Variants in HPD observed in about 807,000 individuals in gnomAD.
HPD encodes the protein 4-hydroxyphenylpyruvate dioxygenase.
In HPD, 35 loss-of-function variants were observed where a neutral mutation model predicts 56.9. The ratio of observed to expected loss-of-function variants is 0.62; its 90% CI spans 0.47 to 0.82. The LOEUF (loss-of-function observed/expected upper bound fraction) is 0.82, where lower values mean the gene tolerates loss of function less well. Ranked by LOEUF, HPD falls within the 40% of genes least tolerant of loss-of-function variation. The pLI is 0.00. For synonymous variants in HPD, 186 were observed against 200.2 expected, an observed-to-expected ratio of 0.93 and a Z score of 0.60; for missense variants, 442 against 506.8, an observed-to-expected ratio of 0.87 and a Z score of 1.23.
intron 12 of HPD, among the ~76,000 whole-genome samples, chr12:121,842,084 A>G (rs930621383): frequency 6.6e-6 from 1 of 151,650 alleles, no homozygotes; most frequent in Non-Finnish European, 1.5e-5. Context: ...GGAAGGGAAC[A>G]GAGGGGGTTG....
chr12:121,857,041 T>G, intron 4 of HPD: 1 of 505,846 alleles, frequency 2.0e-6, no homozygotes, highest in Non-Finnish European at 3.6e-6. Context: ...GGGAGCTGAA[T>G]TATATGTTTT....
the HPD span, among the ~76,000 whole-genome samples, chr12:121,873,810 C>A: frequency 2.4e-4 from 20 of 84,558 alleles, no homozygotes; most frequent in Middle Eastern, 5.3e-3. Context: ...ACAGAGACTC[C>A]GTCTCAAAAA....
intron 4 of HPD, chr12:121,856,949 T>C (rs947180238): frequency 1.4e-5 from 7 of 512,478 alleles, no homozygotes; most frequent in African/African-American, 1.2e-4. Flanking sequence ...GTGGGGTCAG[T>C]GTTGGGCCAG....
At chr12:121,849,448 C>T (rs1350230976) in intron 8 of HPD, among the ~76,000 whole-genome samples, 1 of 151,964 alleles carries the variant, frequency 6.6e-6, no homozygotes, top group East Asian at 1.9e-4. Flanking sequence ...AGCGACTTGC[C>T]CAGGGTGAAA....
intron 7 of HPD, 87 bp downstream of exon 7, chr12:121,854,616 G>A: frequency 1.1e-6 from 1 of 908,880 alleles, no homozygotes; most frequent in Non-Finnish European, 1.9e-6. Flanking sequence ...CCCATGGGTG[G>A]GATGGTTTGA....
At chr12:121,873,744 C>T in the HPD span, among the ~76,000 whole-genome samples, 2 of 151,914 alleles carry the variant, frequency 1.3e-5, no homozygotes, top group Non-Finnish European at 2.9e-5. Flanking sequence ...GGCGTGAACC[C>T]GGGAGGTGGA....
chr12:121,867,333 CAGAG>C (rs1042305143), upstream of HPD, among the ~76,000 whole-genome samples: 1 of 137,938 alleles, frequency 7.2e-6, no homozygotes, highest in Admixed American at 7.6e-5. Flanking sequence ...GCCTGGGAGA[CAGAG>C]AGAGACCCTG....
rs763906107 is a variant in HPD at position 121,849,009 on chromosome 12, C to T, written c.586G>A (p.Ala196Thr). The stretch of plus-strand genomic sequence containing the variant: ...GGGCCAAGGTCTCACCATTCGGAGG[C>T]GGACACCATCTCCTGATCAGGCTGG... ...GNQPDQEMVS[A>T]SEWYLKNLQF... The change falls in exon 9 of 14, where the codon GCC becomes ACC. Residue 196 changes from alanine to threonine, a missense_variant. Physicochemically the swap from Ala to Thr is moderately conservative, Grantham distance 58. Coordinates refer to ENST00000289004, the MANE Select transcript of HPD (RefSeq NM_002150.3). 1.1e-5 allele frequency: 18 copies of T among 1,612,822 alleles called. No individual in the cohort carries two copies. Among genetic ancestry groups the T allele is most frequent in the African/African-American group, 2.7e-5 (2 of 74,846 alleles).
the HPD span, among the ~76,000 whole-genome samples, chr12:121,873,713 G>A: frequency 1.3e-5 from 2 of 152,166 alleles, no homozygotes; most frequent in East Asian, 1.9e-4. Context: ...CCAGCTACGC[G>A]GGAGGCTGAG....
intron 3 of HPD, 119 bp from the exon 4 acceptor site, chr12:121,857,551 C>T (rs1878050143): frequency 2.3e-6 from 2 of 887,266 alleles, no homozygotes; most frequent in Admixed American, 3.8e-5. Flanking sequence ...GGGCAGAGAC[C>T]CTCCTGGGAA....
intron 11 of HPD, among the ~76,000 whole-genome samples, chr12:121,845,423 C>T (rs1249131928): frequency 1.4e-5 from 2 of 147,944 alleles, no homozygotes; most frequent in African/African-American, 2.6e-5. Flanking sequence ...AGTGAAACCC[C>T]GTCTCTACTA....
At chr12:121,871,271 G>A in the HPD span, among the ~76,000 whole-genome samples, 3 of 151,894 alleles carry the variant, frequency 2.0e-5, no homozygotes, top group Non-Finnish European at 2.9e-5. Context: ...AGGCTGAGAC[G>A]GGTGAATCGA....
chr12:121,859,156 C>T (rs1386201297), upstream of HPD: 1 of 415,924 alleles, frequency 2.4e-6, no homozygotes, highest in Non-Finnish European at 4.5e-6. Context: ...GAAGCCAAGG[C>T]CGGCTGGAGT....
chr12:121,853,938 A>C (rs1018947699), intron 7 of HPD, among the ~76,000 whole-genome samples: 1 of 150,186 alleles, frequency 6.7e-6, no homozygotes, highest in African/African-American at 2.5e-5. Context: ...CCGTCTGAAA[A>C]AAGAAAAAAG....
At chr12:121,866,226 G>A (rs920333911), upstream of HPD, among the ~76,000 whole-genome samples, 1 of 150,936 alleles carries the variant, frequency 6.6e-6, no homozygotes, top group Non-Finnish European at 1.5e-5. Flanking sequence ...GTGTGAACTC[G>A]GGAGGCAGAG....
Position 121,847,214 on chromosome 12 carries a change from C to A in HPD, c.597G>T (p.Trp199Cys). 1 of 1,614,166 alleles carries A rather than the reference C, an allele frequency of 6.2e-7. No individual in the cohort carries two copies. The highest frequency in any genetic ancestry group is 1.1e-5 in the South Asian group (1 of 91,078). ...GGTGGAACTGCAGGTTTTTCAGGTACCTGTAGGGTGGGCGGTGGAACACAT... is the reference window on the plus strand; with the variant it reads ...GGTGGAACTGCAGGTTTTTCAGGTAACTGTAGGGTGGGCGGTGGAACACAT... ...PDQEMVSASE[W>C]YLKNLQFHRF... is the part of the protein sequence containing the mutation. Residue 199 changes from tryptophan to cysteine, a missense_variant and splice_region_variant, in exon 10 of 14, where the codon TGG (tryptophan) becomes TGT (cysteine). Coordinates refer to ENST00000289004, the MANE Select transcript of HPD (RefSeq NM_002150.3).
At chr12:121,872,175 G>T in the HPD span, among the ~76,000 whole-genome samples, 3,828 of 148,996 alleles carry the variant, frequency 0.026, 82 homozygotes, top group Middle Eastern at 0.034. Context: ...GGAGGCGGAG[G>T]TTGCAGTGAG....
upstream of HPD, among the ~76,000 whole-genome samples, chr12:121,864,783 G>A (rs986790819): frequency 3.3e-5 from 5 of 151,482 alleles, no homozygotes; most frequent in Non-Finnish European, 1.5e-5. Flanking sequence ...AACCCGGGGC[G>A]CGGAGCTTGC....
chr12:121,868,634 C>T, the HPD span, among the ~76,000 whole-genome samples: 2 of 151,856 alleles, frequency 1.3e-5, no homozygotes, highest in Non-Finnish European at 2.9e-5. Context: ...ATTCTCCTGC[C>T]TCAGCCTCCT....
Sources: gnomAD v4.1 joint callset for allele counts (sites outside exome capture counted in the v4.1 genomes callset) on GRCh38, gnomAD v4.1.1 for gene constraint, MANE v1.5 for transcripts, NCBI Gene and HGNC (gene_info 2026-07-23, HGNC 2026-07-21) for gene names.